The following CELA3A variants were observed in gnomAD, a reference collection of about 807,000 sequenced individuals.
CELA3A encodes the protein chymotrypsin like elastase 3A.
A neutral mutation model predicts 38.6 loss-of-function variants in CELA3A; 35 were observed. The observed-to-expected ratio is 0.91, with a 90% confidence interval of 0.69 to 1.20. CELA3A has a LOEUF of 1.20. Among genes scored for constraint, CELA3A ranks in the 50% most tolerant of loss-of-function variants. CELA3A has a pLI of 0.00. For synonymous variants in CELA3A, 143 were observed against 136.7 expected, an observed-to-expected ratio of 1.05 and a Z score of -0.32; for missense variants, 343 against 354.2, an observed-to-expected ratio of 0.97 and a Z score of 0.25.
At chr1:22,004,888 T>C (rs1471401733) in intron 2 of CELA3A, among the ~76,000 whole-genome samples, 3 of 151,126 alleles carry the variant, frequency 2.0e-5, no homozygotes, top group Admixed American at 2.0e-4. Context: ...TCACCTGAGG[T>C]GAGGAGCTCG....
In CELA3A at chr1:22,003,109, C is replaced by T. The variant is rs752481465; in HGVS notation, c.129+21C>T. ...GGCAGGTAAGAGCAATAGCAGCTGC[C>T]CTCATTCCCACCGTGGGCTCTGGAC... On this transcript the variant is annotated intron_variant, in intron 2 of 7. Coordinates refer to ENST00000290122, the MANE Select transcript of CELA3A (RefSeq NM_005747.5). 1.8e-5 allele frequency: 29 copies of T among 1,568,754 alleles called. 1 individual carries two copies. The highest frequency in any genetic ancestry group is 2.4e-5 in the Non-Finnish European group (28 of 1,159,600).
intron 2 of CELA3A, among the ~76,000 whole-genome samples, chr1:22,003,689 AAAATT>A (rs760606353): frequency 2.0e-5 from 3 of 150,830 alleles, no homozygotes; most frequent in Non-Finnish European, 2.9e-5. Context: ...CTCAAAAAAA[AAAATT>A]AAATTAAATT....
At chr1:22,011,839 G>A (rs1168522983) in intron 7 of CELA3A, among the ~76,000 whole-genome samples, 1 of 125,762 alleles carries the variant, frequency 8.0e-6, no homozygotes, top group Non-Finnish European at 1.6e-5. Context: ...CAGATCACGA[G>A]GTCAGGAGAT....
At chr1:22,008,708 G>A (rs1374742850) in intron 6 of CELA3A, among the ~76,000 whole-genome samples, 6 of 150,208 alleles carry the variant, frequency 4.0e-5, no homozygotes, top group Admixed American at 6.6e-5. Context: ...GCCGTGAGCC[G>A]AGATCGCGCC....
At position 22,008,715 on chromosome 1, in the gene CELA3A, C is replaced by T. The variant is rs182652369; in HGVS notation, c.643-990C>T. On this transcript the variant is annotated intron_variant, in intron 6 of 7. Coordinates refer to ENST00000290122, the MANE Select transcript of CELA3A (RefSeq NM_005747.5). ...TGGAGCTTGCCGTGAGCCGAGATCG[C>T]GCCACTGCACTCCAACCTGGGTGAC... 3.3e-3 allele frequency among the ~76,000 whole-genome samples: 496 copies of T among 149,812 alleles called. 26 individuals are homozygous for T. The highest frequency in any genetic ancestry group is 0.012 in the African/African-American group (477 of 40,220).
intron 4 of CELA3A, 34 bp downstream of exon 4, chr1:22,005,830 T>G: frequency 6.2e-7 from 1 of 1,609,364 alleles, no homozygotes; most frequent in Non-Finnish European, 8.5e-7. Context: ...ACCCAGGGGC[T>G]CCTCTACTTG....
chr1:22,009,438 G>A (rs955839546), intron 6 of CELA3A, among the ~76,000 whole-genome samples: 1 of 151,244 alleles, frequency 6.6e-6, no homozygotes, highest in Non-Finnish European at 1.5e-5. Flanking sequence ...CCAGCTACTT[G>A]GGAGGCTGAA....
At chr1:22,007,346 C>A in intron 5 of CELA3A, 27 bp from the exon 6 acceptor site, 1 of 1,596,380 alleles carries the variant, frequency 6.3e-7, no homozygotes, top group Non-Finnish European at 8.5e-7. Context: ...CCCCAGACCC[C>A]TGACTCGGTG....
At chr1:22,004,190 G>A (rs1470481820) in intron 2 of CELA3A, among the ~76,000 whole-genome samples, 1 of 148,818 alleles carries the variant, frequency 6.7e-6, no homozygotes, top group Non-Finnish European at 1.5e-5. Context: ...TCCCACCTCA[G>A]CCTCCTGTGT....
In CELA3A at chr1:22,007,481, T is replaced by C; in HGVS notation, c.608T>C (p.Val203Ala). Residue 203 changes from valine (V) to alanine (A), a missense_variant, in exon 6 of 8, where the codon GTG (valine) becomes GCG (alanine). Val to Ala is a moderately conservative substitution (Grantham distance 64, BLOSUM62 0). Coordinates refer to ENST00000290122, the MANE Select transcript of CELA3A (RefSeq NM_005747.5). ...GGTTCCACCGTGAAGAAAACCATGG[T>C]GTGTGCTGGAGGGTACATCCGCTCC... ...WWGSTVKKTM[V>A]CAGGYIRSGC... 2 of 1,612,210 alleles carry C rather than the reference T, an allele frequency of 1.2e-6. No individual in the cohort carries two copies. Among genetic ancestry groups the C allele is most frequent in the South Asian group, 2.2e-5 (2 of 90,988 alleles).
At chr1:22,006,570 C>T (rs141228294) in intron 4 of CELA3A, among the ~76,000 whole-genome samples, 3 of 149,994 alleles carry the variant, frequency 2.0e-5, no homozygotes, top group South Asian at 2.1e-4. Context: ...GCCTTAAGAA[C>T]GATTTGGGCC....
rs1644962848 is a variant in CELA3A, at chr1:22,008,221, G to A, written c.642+706G>A. Among the ~76,000 whole-genome samples the A allele has an allele frequency of 3.7e-5, 5 of 134,888 alleles. No homozygotes were observed. In the South Asian group the frequency reaches 1.2e-3, roughly 33 times the overall value. The allele number at this position is 134,888 out of a possible 152,430, so 88.5% of individuals were successfully genotyped here. ...GCTGGAGTGCAGTAATGCCATCATAGCCCACTGTAGCCTTGCCCTCCTGGG... is the reference window on the plus strand; with the variant it reads ...GCTGGAGTGCAGTAATGCCATCATAACCCACTGTAGCCTTGCCCTCCTGGG... On this transcript the variant is annotated intron_variant, in intron 6 of 7. Transcript: ENST00000290122.
At chr1:22,008,474 CAA>C (rs1644964187) in intron 6 of CELA3A, among the ~76,000 whole-genome samples, 1 of 148,400 alleles carries the variant, frequency 6.7e-6, no homozygotes, top group African/African-American at 2.5e-5. Context: ...GAAAAAAAAA[CAA>C]AGGCTGGGCG....
At chr1:22,011,388 A>AAAAC (rs376879864) in intron 7 of CELA3A, among the ~76,000 whole-genome samples, 2 of 137,172 alleles carry the variant, frequency 1.5e-5, no homozygotes, top group East Asian at 2.4e-4. Context: ...CTCAAAAACA[A>AAAAC]AAACAAACAA....
intron 1 of CELA3A, chr1:22,002,618 C>A (rs1251769650): frequency 1.3e-5 from 6 of 457,648 alleles, no homozygotes; most frequent in Non-Finnish European, 2.6e-5. Context: ...ACTAGGATTA[C>A]AGGTGTGAAC....
At chr1:22,010,317 C>CA (rs11412547) in intron 7 of CELA3A, 153,513 of 332,012 alleles carry the variant, frequency 0.46, 35,918 homozygotes, top group Non-Finnish European at 0.57. Context: ...AGCTAAACAA[C>CA]AAAAAAAAAG....
At chr1:22,002,486 C>G (rs763846795) in intron 1 of CELA3A, 9 of 453,674 alleles carry the variant, frequency 2.0e-5, no homozygotes, top group South Asian at 1.4e-4. Context: ...GCACATGCCA[C>G]CATACCTGGC....
At chr1:22,004,334 C>A (rs28501339) in intron 2 of CELA3A, among the ~76,000 whole-genome samples, 52,520 of 148,420 alleles carry the variant, frequency 0.35, 10,737 homozygotes, top group East Asian at 0.49. Flanking sequence ...TGACCTCCCA[C>A]AGTGCTGGGA....
intron 6 of CELA3A, 93 bp downstream of exon 6, chr1:22,007,608 T>C (rs1644959345): frequency 6.6e-7 from 1 of 1,510,224 alleles, no homozygotes; most frequent in Non-Finnish European, 8.9e-7. Context: ...GGATCTTGCC[T>C]GCTTGCCCCA....
Sources: allele counts gnomAD v4.1 joint callset (sites outside exome capture counted in the v4.1 genomes callset), GRCh38; gene constraint gnomAD v4.1.1; transcripts MANE v1.5; gene names NCBI Gene and HGNC (gene_info 2026-07-23, HGNC 2026-07-21).